RMST: variants seen among roughly 807,000 people sequenced by gnomAD.
The protein encoded by RMST is rhabdomyosarcoma 2 associated transcript, also known as long intergenic non-protein coding RNA 54.
At chr12:97,537,310 T>A (rs1882149173) in intron 11 of RMST, among the ~76,000 whole-genome samples, 1 of 151,350 alleles carries the variant, frequency 6.6e-6, no homozygotes, top group African/African-American at 2.4e-5. Context: ...GTGAATCAAC[T>A]TTACTATGTG....
chr12:97,542,953 G>T (rs1348648556), intron 11 of RMST, among the ~76,000 whole-genome samples: 1 of 151,902 alleles, frequency 6.6e-6, no homozygotes, highest in Non-Finnish European at 1.5e-5. Flanking sequence ...TTCACTTGAG[G>T]TCTGCTGCTT....
At chr12:97,506,780 T>A (rs1048088264) in intron 10 of RMST, among the ~76,000 whole-genome samples, 53 of 145,954 alleles carry the variant, frequency 3.6e-4, no homozygotes, top group African/African-American at 1.2e-3. Context: ...GCCTCCTGGG[T>A]TCAAGCAATT....
At chr12:97,559,204 C>T (rs1469036844) in intron 11 of RMST, among the ~76,000 whole-genome samples, 1 of 151,540 alleles carries the variant, frequency 6.6e-6, no homozygotes, top group African/African-American at 2.4e-5. Context: ...TGCATAAGGC[C>T]CTTTTGATTT....
intron 3 of RMST, chr12:97,463,017 G>GTCTCTCTCTCTCTCTCCCTCTCTCTC (rs1872744937): frequency 7.7e-6 from 1 of 129,898 alleles, no homozygotes; most frequent in Non-Finnish European, 1.7e-5. Flanking sequence ...CAAGTCAGCA[G>GTCTCTCTCTCTCTCTCCCTCTCTCTC]TCTCTCTCTC....
chr12:97,546,556 T>A (rs1433036825), intron 11 of RMST, among the ~76,000 whole-genome samples: 2 of 152,058 alleles, frequency 1.3e-5, no homozygotes, highest in Non-Finnish European at 2.9e-5. Flanking sequence ...CACTCCAGCC[T>A]GGGTGACAGA....
At chr12:97,505,574 A>T (rs1233632436) in intron 10 of RMST, among the ~76,000 whole-genome samples, 1 of 152,262 alleles carries the variant, frequency 6.6e-6, no homozygotes, top group African/African-American at 2.4e-5. Flanking sequence ...TATGCATTAC[A>T]TGTTTTACTA....
At chr12:97,465,756 A>G (rs1010935273) in intron 5 of RMST, 2 of 152,146 alleles carry the variant, frequency 1.3e-5, no homozygotes, top group African/African-American at 4.8e-5. Flanking sequence ...TAAAAGTGCA[A>G]TTTTCAAACC....
chr12:97,507,635 A>G (rs1878846511), intron 10 of RMST, among the ~76,000 whole-genome samples: 1 of 152,198 alleles, frequency 6.6e-6, no homozygotes, highest in African/African-American at 2.4e-5. Context: ...AGGGAGATAA[A>G]TATTGTTTAA....
intron 5 of RMST, among the ~76,000 whole-genome samples, chr12:97,471,649 T>G (rs1873932347): frequency 6.6e-6 from 1 of 152,176 alleles, no homozygotes; most frequent in Admixed American, 6.5e-5. Context: ...TTGACACTAA[T>G]TTCAGGCATA....
intron 10 of RMST, among the ~76,000 whole-genome samples, chr12:97,517,763 G>A (rs1256307979): frequency 6.6e-6 from 1 of 151,956 alleles, no homozygotes; most frequent in African/African-American, 2.4e-5. Flanking sequence ...ATCTGTGTAT[G>A]TGTCTCTGTG....
intron 3 of RMST, chr12:97,463,091 C>A (rs370016419): frequency 2.0e-5 from 3 of 150,998 alleles, no homozygotes; most frequent in Non-Finnish European, 4.4e-5. Flanking sequence ...CACACACACA[C>A]AAGCACACAC....
chr12:97,554,155 T>A (rs1349589989), intron 11 of RMST, among the ~76,000 whole-genome samples: 1 of 151,976 alleles, frequency 6.6e-6, no homozygotes, highest in Admixed American at 6.6e-5. Context: ...GGTTTTGCCA[T>A]GTTGGTCATG....
At chr12:97,539,456 T>C (rs532435908) in intron 11 of RMST, among the ~76,000 whole-genome samples, 1 of 151,678 alleles carries the variant, frequency 6.6e-6, no homozygotes, top group South Asian at 2.1e-4. Context: ...GTTTGATTTG[T>C]CAGGTATGTT....
intron 11 of RMST, among the ~76,000 whole-genome samples, chr12:97,557,495 A>G (rs1883789279): frequency 6.6e-6 from 1 of 152,182 alleles, no homozygotes; most frequent in Non-Finnish European, 1.5e-5. Flanking sequence ...ACTTAGCTAT[A>G]CCTATGAAAC....
chr12:97,535,542 A>C (rs1882003784), intron 11 of RMST, among the ~76,000 whole-genome samples: 1 of 151,480 alleles, frequency 6.6e-6, no homozygotes, highest in East Asian at 1.9e-4. Flanking sequence ...ATAAACAAGA[A>C]ACTCACACTC....
intron 5 of RMST, among the ~76,000 whole-genome samples, chr12:97,489,267 G>A (rs1292369126): frequency 1.3e-5 from 2 of 151,922 alleles, no homozygotes; most frequent in Non-Finnish European, 2.9e-5. Flanking sequence ...GCAACATAGC[G>A]AGACCTCATC....
At chr12:97,501,010 T>C (rs1878020413) in intron 10 of RMST, among the ~76,000 whole-genome samples, 1 of 152,246 alleles carries the variant, frequency 6.6e-6, no homozygotes, top group African/African-American at 2.4e-5. Flanking sequence ...TAGGTGTTTC[T>C]AAATGATTGC....
intron 11 of RMST, among the ~76,000 whole-genome samples, chr12:97,555,049 A>C (rs1299821372): frequency 1.3e-5 from 2 of 152,178 alleles, no homozygotes; most frequent in Non-Finnish European, 2.9e-5. Flanking sequence ...GAAAAGTCAG[A>C]TGTTAATTAA....
intron 5 of RMST, among the ~76,000 whole-genome samples, chr12:97,486,002 T>C (rs1456091403): frequency 6.6e-6 from 1 of 152,202 alleles, no homozygotes; most frequent in Non-Finnish European, 1.5e-5. Flanking sequence ...TTCCATCAAC[T>C]TGGAGATAGG....
Sources: allele counts gnomAD v4.1 joint callset (sites outside exome capture counted in the v4.1 genomes callset), GRCh38; gene constraint gnomAD v4.1.1; transcripts MANE v1.5; gene names NCBI Gene and HGNC (gene_info 2026-07-23, HGNC 2026-07-21).